The following DAB1 variants were observed in gnomAD, a reference collection of about 807,000 sequenced individuals.
The protein encoded by DAB1 is disabled homolog 1.
DAB1 carries 15 observed loss-of-function variants against 64.6 expected under a neutral mutation model. The ratio of observed to expected loss-of-function variants is 0.23; its 90% CI spans 0.16 to 0.36. The LOEUF (loss-of-function observed/expected upper bound fraction) is 0.36, where lower values mean the gene tolerates loss of function less well. DAB1 is among the 10% of genes least tolerant of loss of function. DAB1 has a pLI of 1.00. For synonymous variants in DAB1, 235 were observed against 251.9 expected (o/e 0.93, Z 0.64); for missense variants, 596 against 706.7 (o/e 0.84, Z 1.78).
chr1:58,395,471 T>C (rs1035428460), intron 3 of DAB1, among the ~76,000 whole-genome samples: 3 of 152,218 alleles, frequency 2.0e-5, no homozygotes, highest in African/African-American at 7.2e-5. Context: ...CTTTCTATGA[T>C]ACCATATGTG....
chr1:57,067,400 T>C (rs1651023255), intron 8 of DAB1, among the ~76,000 whole-genome samples: 1 of 152,128 alleles, frequency 6.6e-6, no homozygotes, highest in Non-Finnish European at 1.5e-5. Context: ...TATTGCTAGC[T>C]CTGGGACCCT....
At chr1:58,491,148 C>T (rs1461969501) in intron 3 of DAB1, among the ~76,000 whole-genome samples, 2 of 152,148 alleles carry the variant, frequency 1.3e-5, no homozygotes, top group South Asian at 4.2e-4. Flanking sequence ...CCCAGAATTT[C>T]ATATCCAGCC....
At chr1:58,037,415 C>A (rs980279629) in intron 5 of DAB1, among the ~76,000 whole-genome samples, 1 of 152,308 alleles carries the variant, frequency 6.6e-6, no homozygotes, top group Admixed American at 6.5e-5. Context: ...CAGTTAGGAA[C>A]TGGGCTGCAC....
intron 4 of DAB1, among the ~76,000 whole-genome samples, chr1:58,217,466 A>G (rs1475515751): frequency 6.6e-6 from 1 of 152,242 alleles, no homozygotes; most frequent in Non-Finnish European, 1.5e-5. Flanking sequence ...GGAGGAGGAC[A>G]TCATTCATTC....
chr1:57,168,795 C>T (rs1370166415), intron 2 of DAB1, among the ~76,000 whole-genome samples: 1 of 152,144 alleles, frequency 6.6e-6, no homozygotes, highest in Non-Finnish European at 1.5e-5. Flanking sequence ...GTGATTCACA[C>T]CTGTAATCTC....
chr1:57,454,659 T>C (rs1255283685), intron 7 of DAB1, among the ~76,000 whole-genome samples: 1 of 152,046 alleles, frequency 6.6e-6, no homozygotes, highest in Non-Finnish European at 1.5e-5. Flanking sequence ...ACGTAAAATT[T>C]TTTTTAAAAA....
chr1:58,546,313 C>T (rs2406785), intron 1 of DAB1, among the ~76,000 whole-genome samples: 95,889 of 151,820 alleles, frequency 0.63, 32,118 homozygotes, highest in East Asian at 0.82. Context: ...GAGCCCGAAG[C>T]CCCGCGGGTG....
At chr1:58,050,335 T>C (rs1187177373) in intron 5 of DAB1, among the ~76,000 whole-genome samples, 1 of 152,122 alleles carries the variant, frequency 6.6e-6, no homozygotes, top group Non-Finnish European at 1.5e-5. Flanking sequence ...CTTTTTAAAT[T>C]CTGGCTATGC....
At chr1:57,385,900 T>G (rs1209083359) in intron 1 of DAB1, among the ~76,000 whole-genome samples, 1 of 152,162 alleles carries the variant, frequency 6.6e-6, no homozygotes, top group Non-Finnish European at 1.5e-5. Flanking sequence ...CCTTGGAAGG[T>G]ATTTAAATGT....
intron 2 of DAB1, among the ~76,000 whole-genome samples, chr1:57,284,857 T>A: frequency 6.6e-6 from 1 of 152,122 alleles, no homozygotes. Context: ...CCAAACTGAC[T>A]AGAATTTTTC....
chr1:57,728,426 T>C (rs1435793445), intron 6 of DAB1, among the ~76,000 whole-genome samples: 1 of 152,096 alleles, frequency 6.6e-6, no homozygotes, highest in Non-Finnish European at 1.5e-5. Context: ...ACCCCGGCTC[T>C]ACTAAAAATA....
intron 6 of DAB1, among the ~76,000 whole-genome samples, chr1:57,662,430 A>T (rs1646398680): frequency 1.3e-5 from 2 of 152,172 alleles, no homozygotes; most frequent in Non-Finnish European, 2.9e-5. Flanking sequence ...TCCCGACCTC[A>T]GGTGATCCGC....
intron 5 of DAB1, among the ~76,000 whole-genome samples, chr1:58,083,602 C>A (rs777794666): frequency 2.6e-5 from 4 of 152,176 alleles, no homozygotes; most frequent in Admixed American, 6.5e-5. Context: ...CATTTAATTG[C>A]GCACTTAACA....
intron 5 of DAB1, among the ~76,000 whole-genome samples, chr1:58,087,154 T>C (rs1180442331): frequency 1.3e-5 from 2 of 152,216 alleles, no homozygotes; most frequent in Non-Finnish European, 2.9e-5. Flanking sequence ...ATAGCATGTC[T>C]GGAGTGAGAA....
At chr1:57,532,387 T>G (rs541407459) in intron 7 of DAB1, among the ~76,000 whole-genome samples, 3 of 152,190 alleles carry the variant, frequency 2.0e-5, no homozygotes, top group Non-Finnish European at 4.4e-5. Context: ...TACATGTCCT[T>G]TCTCTTTATT....
At chr1:57,275,695 T>C (rs890015202) in intron 2 of DAB1, among the ~76,000 whole-genome samples, 14 of 152,196 alleles carry the variant, frequency 9.2e-5, no homozygotes, top group African/African-American at 2.7e-4. Flanking sequence ...CAGCCATTCA[T>C]TGGCAAATCT....
intron 6 of DAB1, among the ~76,000 whole-genome samples, chr1:57,758,362 G>A (rs527834653): frequency 6.6e-6 from 1 of 152,140 alleles, no homozygotes; most frequent in Non-Finnish European, 1.5e-5. Context: ...TTCTGCAAAG[G>A]CCATGATGTT....
rs181754210 is a variant in DAB1 at position 57,512,277 on chromosome 1, C to G, written n.625+137315G>C. On this transcript the variant is annotated intron_variant and non_coding_transcript_variant, in intron 7 of 20. Transcript: ENST00000485760. ...AGTTTTATACAGCTCTCTTCATCCCCAGGATCTAGCATCCTACTAGGCACA... is the reference window on the plus strand; with the variant it reads ...AGTTTTATACAGCTCTCTTCATCCCGAGGATCTAGCATCCTACTAGGCACA... 5.6e-4 allele frequency among the ~76,000 whole-genome samples: 85 copies of G among 152,282 alleles called. No individual in the cohort carries two copies. In the South Asian group the frequency reaches 6.2e-3, roughly 11 times the overall value.
At chr1:58,289,560 G>A (rs1008384588) in intron 4 of DAB1, among the ~76,000 whole-genome samples, 6 of 152,136 alleles carry the variant, frequency 3.9e-5, no homozygotes, top group Non-Finnish European at 8.8e-5. Context: ...TGAATACTTA[G>A]CCCCACTGAA....
Sources: allele counts gnomAD v4.1 joint callset (sites outside exome capture counted in the v4.1 genomes callset), GRCh38; gene constraint gnomAD v4.1.1; transcripts MANE v1.5; gene names NCBI Gene and HGNC (gene_info 2026-07-23, HGNC 2026-07-21).